PCDH11X: variants seen among roughly 807,000 people sequenced by gnomAD.
The protein encoded by PCDH11X is protocadherin-11 X-linked.
Under a neutral mutation model 53.3 loss-of-function variants are expected in PCDH11X, and 18 were observed. The observed-to-expected ratio is 0.34, with a 90% confidence interval of 0.23 to 0.50. PCDH11X has a LOEUF of 0.50. PCDH11X is among the 20% of genes least tolerant of loss of function. The pLI is 0.98. For missense variants in PCDH11X, 570 were observed against 1,032.4 expected (o/e 0.55, Z 6.14); for synonymous variants, 279 against 393.3 (o/e 0.71, Z 3.44).
chrX:92,310,407 T>C (rs1348372372), intron 8 of PCDH11X, among the ~76,000 whole-genome samples: 1 of 111,965 alleles, frequency 8.9e-6, no homozygotes, highest in Non-Finnish European at 1.9e-5. Flanking sequence ...TGTTTATTTA[T>C]TGTATTTTAT....
chrX:92,366,830 T>C (rs1291000192), intron 8 of PCDH11X, among the ~76,000 whole-genome samples: 1 of 108,144 alleles, frequency 9.2e-6, no homozygotes, highest in Non-Finnish European at 1.9e-5. Context: ...TCCTGATTTC[T>C]AATTTGATTG....
intron 10 of PCDH11X, among the ~76,000 whole-genome samples, chrX:92,551,788 CA>C (rs773752542): frequency 9.0e-6 from 1 of 110,840 alleles, no homozygotes; most frequent in Non-Finnish European, 1.9e-5. Context: ...TTCCCAGCCT[CA>C]TTTATTGAAT....
At chrX:92,033,368 A>G (rs1217837039) in intron 6 of PCDH11X, among the ~76,000 whole-genome samples, 1 of 92,631 alleles carries the variant, frequency 1.1e-5, no homozygotes, top group Non-Finnish European at 2.1e-5. Flanking sequence ...ATTGGGTCCC[A>G]GGCCTTTTTT....
rs539150608 is a variant in PCDH11X, at chrX:92,278,898, G to A, written c.3144+15755G>A. On this transcript the variant is annotated intron_variant, in intron 8 of 10. Coordinates refer to ENST00000682573, the MANE Select transcript of PCDH11X (RefSeq NM_032968.5). ...GCGATCTCAGGTCACTGCAACCTCC[G>A]CCTCCTGGGTTCAAGCGAGTCTCCT... 1.9e-4 allele frequency among the ~76,000 whole-genome samples: 19 copies of A among 99,264 alleles called. No homozygotes were observed. In the South Asian group the frequency reaches 2.2e-3, roughly 12 times the overall value. 86.2% of individuals were successfully genotyped at this position (99,264 alleles called of 115,157 possible). A position where few individuals can be genotyped will look rare whatever the true frequency, so the allele number is the denominator to read the frequency against.
At chrX:91,885,624 G>A (rs751661123) in intron 6 of PCDH11X, among the ~76,000 whole-genome samples, 181 of 110,371 alleles carry the variant, frequency 1.6e-3, no homozygotes, top group African/African-American at 5.6e-3. Flanking sequence ...AACTAAGGGA[G>A]AATACCTTGT....
intron 5 of PCDH11X, among the ~76,000 whole-genome samples, chrX:91,868,530 A>C (rs1215038156): frequency 1.8e-5 from 2 of 111,661 alleles, no homozygotes; most frequent in Non-Finnish European, 3.8e-5. Context: ...AGTTAGAAGC[A>C]CTCAAGAAGC....
chrX:92,153,428 G>C (rs865894315), intron 6 of PCDH11X, among the ~76,000 whole-genome samples: 34 of 110,940 alleles, frequency 3.1e-4, no homozygotes, highest in African/African-American at 9.2e-4. Context: ...ATAATTAATT[G>C]CTTGTTAGTG....
intron 6 of PCDH11X, among the ~76,000 whole-genome samples, chrX:91,995,061 C>A (rs1261135336): frequency 1.8e-5 from 2 of 110,519 alleles, no homozygotes; most frequent in African/African-American, 6.6e-5. Context: ...TAGATATTAA[C>A]CCCTTATCAG....
chrX:92,232,138 G>A (rs1453543980), intron 7 of PCDH11X, among the ~76,000 whole-genome samples: 1 of 112,006 alleles, frequency 8.9e-6, no homozygotes. Flanking sequence ...CGTTAATGAG[G>A]TGTTGAGGAA....
intron 8 of PCDH11X, among the ~76,000 whole-genome samples, chrX:92,344,938 CT>C (rs1190575976): frequency 9.4e-6 from 1 of 106,875 alleles, no homozygotes; most frequent in East Asian, 3.0e-4. Flanking sequence ...AGGAATAGGG[CT>C]ATTTCCTGCT....
rs751586579 is a variant in PCDH11X, at chrX:91,916,420, G to A, written c.3033+37147G>A. On this transcript the variant is annotated intron_variant, in intron 6 of 10. Transcript: ENST00000682573. ...GAAAAGATAAACAAATGGATAGACC[G>A]TTAGTGAGATTAACCAAGAAAAGAA... Among the ~76,000 whole-genome samples, 10 of 111,577 alleles carry A rather than the reference G, an allele frequency of 9.0e-5. No homozygotes were observed. The South Asian group carries it at 1.5e-3, about 17-fold the overall frequency.
At chrX:92,068,156 T>A (rs2063644684) in intron 6 of PCDH11X, among the ~76,000 whole-genome samples, 1 of 109,360 alleles carries the variant, frequency 9.1e-6, no homozygotes, top group African/African-American at 3.4e-5. Flanking sequence ...GTTCATTTAA[T>A]TGTTCTGATC....
rs2066568793 is a variant in PCDH11X, at chrX:92,210,666, TAG to T, written c.3114+9212_3114+9213del. Among the ~76,000 whole-genome samples the T allele has an allele frequency of 3.6e-5, 4 of 112,005 alleles. No individual in the cohort carries two copies. The Admixed American group carries it at 3.8e-4, about 11-fold the overall frequency. ...ATTTCTTTGTTTATGCAAGTGAATA[TAG>T]GCTCTTAGAAGCAGCCTGGTCACAC... On this transcript the variant is annotated intron_variant, in intron 7 of 10. Transcript: ENST00000682573.
intron 10 of PCDH11X, among the ~76,000 whole-genome samples, chrX:92,590,894 A>T (rs1309407547): frequency 7.2e-5 from 8 of 111,134 alleles, no homozygotes; most frequent in Non-Finnish European, 1.3e-4. Flanking sequence ...TGGAAGGTCA[A>T]CAGGCCTGAC....
At chrX:91,852,035 C>T (rs1168220224) in intron 5 of PCDH11X, among the ~76,000 whole-genome samples, 1 of 90,009 alleles carries the variant, frequency 1.1e-5, no homozygotes, top group Non-Finnish European at 2.1e-5. Flanking sequence ...TTTTTTGAGA[C>T]GGAGTTTCAC....
intron 8 of PCDH11X, chrX:92,287,985 TC>T (rs1228171832): frequency 1.9e-6 from 1 of 514,907 alleles, no homozygotes; most frequent in South Asian, 2.5e-5. Context: ...TACTTCCTCT[TC>T]CCCTTCTGCC....
At chrX:91,998,199 G>A (rs2062451302) in intron 6 of PCDH11X, among the ~76,000 whole-genome samples, 1 of 109,682 alleles carries the variant, frequency 9.1e-6, no homozygotes, top group Admixed American at 9.7e-5. Flanking sequence ...CTCCCAAATT[G>A]CTGTGAATAC....
intron 6 of PCDH11X, among the ~76,000 whole-genome samples, chrX:92,171,156 T>C (rs1349835140): frequency 9.6e-6 from 1 of 103,779 alleles, no homozygotes; most frequent in Non-Finnish European, 2.0e-5. Context: ...CCCTTTCTTA[T>C]ACAGATACTC....
At chrX:92,509,745 A>G (rs1271154803) in intron 10 of PCDH11X, among the ~76,000 whole-genome samples, 1 of 111,703 alleles carries the variant, frequency 9.0e-6, no homozygotes. Flanking sequence ...GATGCTTCAT[A>G]GCAGTTACTT....
Sources: gnomAD v4.1 joint callset for allele counts (sites outside exome capture counted in the v4.1 genomes callset) on GRCh38, gnomAD v4.1.1 for gene constraint, MANE v1.5 for transcripts, NCBI Gene and HGNC (gene_info 2026-07-23, HGNC 2026-07-21) for gene names.